PAQR5: variants seen among roughly 807,000 people sequenced by gnomAD.
The protein encoded by PAQR5 is membrane progestin receptor gamma.
PAQR5 carries 20 observed loss-of-function variants against 34.5 expected under a neutral mutation model. The ratio of observed to expected loss-of-function variants is 0.58; its 90% CI spans 0.41 to 0.84. PAQR5 has a LOEUF of 0.84. PAQR5 is among the 40% of genes least tolerant of loss of function. PAQR5 has a pLI of 0.00. For synonymous variants in PAQR5, 131 were observed against 155.6 expected (o/e 0.84, Z 1.18); for missense variants, 378 against 412.7 (o/e 0.92, Z 0.73).
chr15:69,345,190 G>C (rs139329513), intron 2 of PAQR5, among the ~76,000 whole-genome samples: 8 of 152,176 alleles, frequency 5.3e-5, no homozygotes, highest in African/African-American at 1.9e-4. Context: ...CAGTGGAAAA[G>C]CTATTTTAAA....
rs1452004555 is a variant in PAQR5, at chr15:69,315,573, C to A, written c.-277+16517C>A. On this transcript the variant is annotated intron_variant, in intron 1 of 8. Coordinates refer to ENST00000395407, the MANE Select transcript of PAQR5 (RefSeq NM_017705.4). ...AGCCTTACCTTCTTACCACAGCCAG[C>A]CCTGGGTGACATTCCTGTGCCAAGA... is the stretch of plus-strand genomic sequence containing the variant. 2.0e-5 allele frequency among the ~76,000 whole-genome samples: 3 copies of A among 152,324 alleles called. No individual in the cohort carries two copies. In the East Asian group the frequency reaches 5.8e-4, roughly 29 times the overall value.
At chr15:69,380,839 A>G (rs932388548) in intron 4 of PAQR5, among the ~76,000 whole-genome samples, 6 of 152,188 alleles carry the variant, frequency 3.9e-5, no homozygotes, top group Non-Finnish European at 1.5e-5. Flanking sequence ...TACGTCATGC[A>G]GGGGCGCCGT....
At position 69,403,623 on chromosome 15, in the gene PAQR5, C is replaced by T. The variant is rs748537869; in HGVS notation, c.794C>T (p.Thr265Met). 46 of 1,613,916 alleles carry T rather than the reference C, an allele frequency of 2.9e-5. No individual in the cohort carries two copies. Among genetic ancestry groups the T allele is most frequent in the Non-Finnish European group, 3.6e-5 (43 of 1,179,990 alleles). Residue 265 changes from threonine to methionine, a missense_variant, in exon 9 of 9, where the codon ACG becomes ATG. Thr to Met is a moderately conservative substitution (Grantham distance 81, BLOSUM62 -1). Coordinates refer to ENST00000395407, the MANE Select transcript of PAQR5 (RefSeq NM_017705.4). ...TTTCACGTGTGTGTGATCCTGGCCA[C>T]GCACATGCAGATGGAAGCCATACTT... ...QLFHVCVILA[T>M]HMQMEAILLD...
At chr15:69,350,873 G>A (rs1306407431) in intron 2 of PAQR5, among the ~76,000 whole-genome samples, 1 of 152,198 alleles carries the variant, frequency 6.6e-6, no homozygotes, top group Non-Finnish European at 1.5e-5. Context: ...AAAGGGATCT[G>A]TGACCCAGGG....
chr15:69,305,041 C>T (rs1532758), intron 1 of PAQR5, among the ~76,000 whole-genome samples: 70,089 of 152,040 alleles, frequency 0.46, 19,023 homozygotes, highest in Middle Eastern at 0.63. Context: ...CTCTTCTGTA[C>T]GGCTTGGATT....
rs1448079451 is a variant in PAQR5, at chr15:69,389,875, A to G, written c.512+95A>G. 9 of 1,434,750 alleles carry G rather than the reference A, an allele frequency of 6.3e-6. No homozygotes were observed. The Admixed American group carries it at 7.7e-5, about 12-fold the overall frequency. 88.9% of individuals were successfully genotyped at this position (1,434,750 alleles called of 1,614,324 possible). A position where few individuals can be genotyped will look rare whatever the true frequency, so the allele number is the denominator to read the frequency against. On this transcript the variant is annotated intron_variant, in intron 6 of 8. Transcript: ENST00000395407. ...GGGAGCCGGGGAAGAGGTGGGCTCA[A>G]TGGAAAAGGTGCTTGGGAACCTAGG...
At chr15:69,334,745 A>G (rs909466281) in intron 1 of PAQR5, among the ~76,000 whole-genome samples, 1 of 151,350 alleles carries the variant, frequency 6.6e-6, no homozygotes, top group African/African-American at 2.4e-5. Context: ...AAAGATGATC[A>G]GAAGGCATGG....
intron 2 of PAQR5, among the ~76,000 whole-genome samples, chr15:69,340,521 T>C (rs1023806580): frequency 7.9e-5 from 12 of 152,292 alleles, no homozygotes; most frequent in East Asian, 1.9e-4. Context: ...CTTGCTGAGG[T>C]GGGCATTTGA....
intron 8 of PAQR5, among the ~76,000 whole-genome samples, 198 bp downstream of exon 8, chr15:69,400,313 C>T (rs1351856628): frequency 1.3e-5 from 2 of 152,190 alleles, no homozygotes; most frequent in Non-Finnish European, 2.9e-5. Flanking sequence ...GGATGGAGGG[C>T]AGGTGGGCCC....
chr15:69,405,753 G>T lies in PAQR5; in HGVS notation c.*1931G>T, dbSNP rs781288680. 2 of 152,100 alleles carry T rather than the reference G, an allele frequency of 1.3e-5. No individual in the cohort carries two copies. Among genetic ancestry groups the T allele is most frequent in the Non-Finnish European group, 2.9e-5 (2 of 68,016 alleles). 9.4% of individuals were successfully genotyped at this position (152,100 alleles called of 1,614,324 possible). A position where few individuals can be genotyped will look rare whatever the true frequency, so the allele number is the denominator to read the frequency against. ...GAAATAATGAGTGACCAATTTGAAGGATTTTTAGATTATTTAATCTTTGCT... is the reference window on the plus strand; with the variant it reads ...GAAATAATGAGTGACCAATTTGAAGTATTTTTAGATTATTTAATCTTTGCT... On this transcript the variant is annotated 3_prime_UTR_variant, in exon 9 of 9. Coordinates refer to ENST00000395407, the MANE Select transcript of PAQR5 (RefSeq NM_017705.4).
At position 69,300,588 on chromosome 15, in the gene PAQR5, TC is replaced by T. The variant is rs1380741427; in HGVS notation, c.-277+1534del. Among the ~76,000 whole-genome samples the T allele has an allele frequency of 7.3e-4, 49 of 67,190 alleles. 11 individuals are homozygous for T. Among genetic ancestry groups the T allele is most frequent in the African/African-American group, 2.0e-3 (44 of 22,530 alleles). The allele number at this position is 67,190 out of a possible 152,430, so 44.1% of individuals were successfully genotyped here. Reference sequence around the variant, plus strand: ...CTTTCTTTCTCTTTCTTTCTTTCTTTCCTTCTTTCTTTCTTTCTTTCTTTCT... The same window carrying T: ...CTTTCTTTCTCTTTCTTTCTTTCTTTCTTCTTTCTTTCTTTCTTTCTTTCT... On this transcript the variant is annotated intron_variant, in intron 1 of 8. Coordinates refer to ENST00000395407, the MANE Select transcript of PAQR5 (RefSeq NM_017705.4).
At chr15:69,401,054 C>T (rs141856670) in intron 8 of PAQR5, 2,215 of 152,370 alleles carry the variant, frequency 0.015, 30 homozygotes, top group African/African-American at 0.035. Flanking sequence ...GTCAGAGTCA[C>T]GGGGGTTTCC....
intron 6 of PAQR5, chr15:69,391,799 G>T (rs899320907): frequency 2.4e-6 from 1 of 412,688 alleles, no homozygotes; most frequent in African/African-American, 2.1e-5. Context: ...GCTCACACCT[G>T]TAATCCCAGC....
chr15:69,381,188 G>A (rs906229819), intron 4 of PAQR5, among the ~76,000 whole-genome samples: 3 of 152,192 alleles, frequency 2.0e-5, no homozygotes, highest in Admixed American at 2.0e-4. Flanking sequence ...TAACCCTTCA[G>A]AAGGGAATAG....
At chr15:69,371,990 T>C (rs1297724736) in intron 3 of PAQR5, among the ~76,000 whole-genome samples, 2 of 152,324 alleles carry the variant, frequency 1.3e-5, no homozygotes, top group South Asian at 2.1e-4. Context: ...GTTATTCTCA[T>C]TGTGTGAATG....
chr15:69,384,096 C>T (rs1403436892), intron 4 of PAQR5, among the ~76,000 whole-genome samples: 1 of 83,708 alleles, frequency 1.2e-5, no homozygotes, highest in African/African-American at 5.0e-5. Context: ...GGCCTCTGTG[C>T]TCATGGTGGA....
chr15:69,361,576 C>T (rs1273104054), intron 3 of PAQR5, among the ~76,000 whole-genome samples: 1 of 152,086 alleles, frequency 6.6e-6, no homozygotes, highest in Non-Finnish European at 1.5e-5. Context: ...AGGTAACTTA[C>T]AATCATGAGG....
Position 69,322,749 on chromosome 15 carries a change from GAA to G in PAQR5, c.-276-14591_-276-14590del, listed in dbSNP as rs1566997766. 6.0e-3 allele frequency among the ~76,000 whole-genome samples: 242 copies of G among 40,408 alleles called. 45 individuals carry two copies. The highest frequency in any genetic ancestry group is 7.2e-3 in the African/African-American group (89 of 12,418). The allele number at this position is 40,408 out of a possible 152,430, so 26.5% of individuals were successfully genotyped here. ...AGAAGAAGAAGAAGAAGAAGAAGAA[GAA>G]GAAGAAGAAGAAGAAGAAGAGGGAG... On this transcript the variant is annotated intron_variant, in intron 1 of 8. Coordinates refer to ENST00000395407, the MANE Select transcript of PAQR5 (RefSeq NM_017705.4).
chr15:69,333,128 C>T (rs1001729461), intron 1 of PAQR5, among the ~76,000 whole-genome samples: 3 of 151,676 alleles, frequency 2.0e-5, no homozygotes, highest in African/African-American at 7.3e-5. Context: ...TTATTTTTTT[C>T]CATTTTTTTT....
Sources: gnomAD v4.1 joint callset for allele counts (sites outside exome capture counted in the v4.1 genomes callset) on GRCh38, gnomAD v4.1.1 for gene constraint, MANE v1.5 for transcripts, NCBI Gene and HGNC (gene_info 2026-07-23, HGNC 2026-07-21) for gene names.